DBI: variants seen among roughly 807,000 people sequenced by gnomAD.
The protein encoded by DBI is acyl-CoA-binding protein.
In DBI, 12 loss-of-function variants were observed where a neutral mutation model predicts 13.0. The ratio of observed to expected loss-of-function variants is 0.92; its 90% CI spans 0.59 to 1.49. DBI has a LOEUF of 1.49. Ranked by LOEUF, DBI falls within the 40% of genes most tolerant of loss-of-function variation. The pLI is 0.00. For synonymous variants in DBI, 37 were observed against 37.4 expected (o/e 0.99, Z 0.04); for missense variants, 95 against 104.8 (o/e 0.91, Z 0.41).
At chr2:119,370,153 T>G (rs1681408075) in intron 2 of DBI, 1 of 152,346 alleles carries the variant, frequency 6.6e-6, no homozygotes, top group Admixed American at 6.5e-5. Context: ...AGGGAGATGG[T>G]GAGTGTGTTT....
chr2:119,367,223 G>T, intron 1 of DBI, 163 bp downstream of exon 1: 1 of 1,444,078 alleles, frequency 6.9e-7, no homozygotes, highest in East Asian at 2.5e-5. Flanking sequence ...TTGTGAGCGG[G>T]ATTTTCCGTT....
Position 119,368,290 on chromosome 2 carries a change from G to T in DBI, c.112G>T (p.Gly38Cys). 1 of 1,613,734 alleles carries T rather than the reference G, an allele frequency of 6.2e-7. No individual in the cohort carries two copies. Among genetic ancestry groups the T allele is most frequent in the Non-Finnish European group, 8.5e-7 (1 of 1,179,648 alleles). ...TGGCCACTACAAACAAGCAACTGTG[G>T]GCGACATAAATACAGGTATGCAGAG... The part of the protein sequence containing the change: ...IYGHYKQATV[G>C]DINTERPGML... Residue 38 changes from glycine to cysteine, a missense_variant, in exon 2 of 4, where the codon GGC (glycine) becomes TGC (cysteine). Physicochemically the swap from Gly to Cys is radical, Grantham distance 159. Coordinates refer to ENST00000355857, the MANE Select transcript of DBI (RefSeq NM_001079862.4).
chr2:119,367,442 G>C (rs1189808353), intron 1 of DBI: 1 of 1,552,442 alleles, frequency 6.4e-7, no homozygotes, highest in Non-Finnish European at 8.7e-7. Flanking sequence ...GAAGCGAGGA[G>C]TCCGTGGCCG....
At chr2:119,367,446 G>C (rs756082891) in intron 1 of DBI, 1 of 1,558,644 alleles carries the variant, frequency 6.4e-7, no homozygotes, top group Non-Finnish European at 8.7e-7. Flanking sequence ...CGAGGAGTCC[G>C]TGGCCGAGAG....
intron 1 of DBI, chr2:119,367,317 G>C: frequency 7.0e-7 from 1 of 1,437,886 alleles, no homozygotes; most frequent in South Asian, 1.5e-5. Flanking sequence ...CGGGAGAGGG[G>C]TGGGAGTCGA....
In DBI at chr2:119,368,234, A is replaced by G. The variant is rs373223217; in HGVS notation, c.56A>G (p.Lys19Arg). ...GAGGAGGTTAGGCACCTTAAGACCA[A>G]GCCATCGGATGAGGAGATGCTGTTC... ...AAEEVRHLKT[K>R]PSDEEMLFIY... The change falls in exon 2 of 4, where the codon AAG becomes AGG. Residue 19 changes from lysine to arginine, a missense_variant. Physicochemically the swap from Lys to Arg is conservative, Grantham distance 26 (BLOSUM62 2). Coordinates refer to ENST00000355857, the MANE Select transcript of DBI (RefSeq NM_001079862.4). The G allele has an allele frequency of 1.2e-6, 2 of 1,614,028 alleles. No homozygotes were observed. Among genetic ancestry groups the G allele is most frequent in the South Asian group, 1.1e-5 (1 of 91,078 alleles).
intron 1 of DBI, chr2:119,367,836 G>C (rs1681162834): frequency 4.3e-6 from 7 of 1,613,076 alleles, no homozygotes; most frequent in Non-Finnish European, 5.9e-6. Flanking sequence ...CAGGCAGTTG[G>C]CCGCGCTGCT....
At chr2:119,370,863 T>C in intron 3 of DBI, 61 bp downstream of exon 3, 3 of 1,473,648 alleles carry the variant, frequency 2.0e-6, no homozygotes, top group Non-Finnish European at 2.8e-6. Flanking sequence ...GTCTTCATTA[T>C]GAAGTGTAAG....
chr2:119,367,498 C>T, intron 1 of DBI: 1 of 1,598,964 alleles, frequency 6.3e-7, no homozygotes, highest in South Asian at 1.1e-5. Flanking sequence ...GCTCAGAGTG[C>T]GGGACGAGGA....
intron 1 of DBI, 186 bp from the exon 2 acceptor site, chr2:119,368,002 G>C: frequency 6.2e-7 from 1 of 1,607,724 alleles, no homozygotes; most frequent in African/African-American, 1.3e-5. Flanking sequence ...TTGTGTTGCT[G>C]AATCTTTCTA....
intron 2 of DBI, chr2:119,370,160 G>A (rs1356700107): frequency 1.3e-5 from 2 of 152,202 alleles, no homozygotes; most frequent in African/African-American, 4.8e-5. Context: ...TGGTGAGTGT[G>A]TTTCCCAACT....
At chr2:119,367,990 TC>T (rs1411322924) in intron 1 of DBI, 197 bp from the exon 2 acceptor site, 1 of 1,610,240 alleles carries the variant, frequency 6.2e-7, no homozygotes, top group African/African-American at 1.3e-5. Context: ...GGCTTCCCCT[TC>T]TTGTGTTGCT....
intron 1 of DBI, chr2:119,367,323 G>A (rs1221122211): frequency 7.0e-7 from 1 of 1,437,914 alleles, no homozygotes; most frequent in East Asian, 2.5e-5. Flanking sequence ...AGGGGTGGGA[G>A]TCGAGGGTGC....
chr2:119,367,239 A>G, intron 1 of DBI, 179 bp downstream of exon 1: 13 of 1,438,706 alleles, frequency 9.0e-6, no homozygotes, highest in Non-Finnish European at 1.2e-5. Flanking sequence ...CCGTTTGGGG[A>G]TTTCTAAATC....
rs763329291 is a variant in DBI at position 119,368,350 on chromosome 2, G to A, written c.127+45G>A. 1.2e-5 allele frequency: 17 copies of A among 1,424,838 alleles called. No individual in the cohort carries two copies. In the South Asian group the frequency reaches 1.9e-4, roughly 16 times the overall value. The allele number at this position is 1,424,838 out of a possible 1,614,324, so 88.3% of individuals were successfully genotyped here. A position where few individuals can be genotyped will look rare whatever the true frequency, so the allele number is the denominator to read the frequency against. On this transcript the variant is annotated intron_variant, in intron 2 of 3. Coordinates refer to ENST00000355857, the MANE Select transcript of DBI (RefSeq NM_001079862.4). ...GAAGGGCATCTGCTCATCAAAGCAG[G>A]CTCAGCAGCTCAGACTGGAAGTCCC...
chr2:119,369,115 G>A (rs1193507262), intron 2 of DBI, among the ~76,000 whole-genome samples: 2 of 152,186 alleles, frequency 1.3e-5, no homozygotes, highest in East Asian at 1.9e-4. Flanking sequence ...ATCACAGGCA[G>A]TACCATATCA....
At chr2:119,370,676 A>G (rs1392112179) in intron 2 of DBI, 64 bp from the exon 3 acceptor site, 1 of 1,461,916 alleles carries the variant, frequency 6.8e-7, no homozygotes, top group Non-Finnish European at 9.5e-7. Flanking sequence ...TATGGCAAGA[A>G]GGTTGATCAA....
intron 1 of DBI, chr2:119,367,558 G>A: frequency 6.2e-7 from 1 of 1,614,120 alleles, no homozygotes; most frequent in African/African-American, 1.3e-5. Context: ...CTTCTCTCCA[G>A]TGTAGACCCT....
intron 1 of DBI, chr2:119,367,916 C>A: frequency 6.2e-7 from 1 of 1,614,246 alleles, no homozygotes; most frequent in Non-Finnish European, 8.5e-7. Context: ...TATTTCCAGA[C>A]CTGATGCCTG....
Sources: allele counts gnomAD v4.1 joint callset (sites outside exome capture counted in the v4.1 genomes callset), GRCh38; gene constraint gnomAD v4.1.1; transcripts MANE v1.5; gene names NCBI Gene and HGNC (gene_info 2026-07-23, HGNC 2026-07-21).